The following TAFA5 variants were observed in gnomAD, a reference collection of about 807,000 sequenced individuals.
TAFA5 encodes the protein TAFA chemokine like family member 5, also known as chemokine-like protein TAFA-5.
TAFA5 carries 6 observed loss-of-function variants against 15.3 expected under a neutral mutation model. That is an observed-to-expected ratio of 0.39 (90% confidence interval 0.21 to 0.77). The LOEUF is 0.77. Ranked by LOEUF, TAFA5 falls within the 30% of genes least tolerant of loss-of-function variation. TAFA5 has a pLI of 0.41. For synonymous variants in TAFA5, 103 were observed against 80.7 expected (o/e 1.28, Z -1.48); for missense variants, 161 against 193.1 (o/e 0.83, Z 0.98).
At chr22:48,723,225 A>G (rs560071234) in intron 3 of TAFA5, among the ~76,000 whole-genome samples, 4 of 152,250 alleles carry the variant, frequency 2.6e-5, no homozygotes, top group African/African-American at 9.6e-5. Context: ...CCCCCTTCCA[A>G]ATGGCTTCTG....
At chr22:48,583,517 A>G (rs1428674748) in intron 1 of TAFA5, among the ~76,000 whole-genome samples, 1 of 150,732 alleles carries the variant, frequency 6.6e-6, no homozygotes, top group Non-Finnish European at 1.5e-5. Flanking sequence ...AACCAAACAC[A>G]AAATATACAC....
chr22:48,582,821 C>CTA (rs1924124747), intron 1 of TAFA5, among the ~76,000 whole-genome samples: 1 of 88,002 alleles, frequency 1.1e-5, no homozygotes, highest in African/African-American at 4.3e-5. Flanking sequence ...ACACCACACA[C>CTA]CACACACAAT....
chr22:48,523,533 G>A (rs1179142116), intron 1 of TAFA5, among the ~76,000 whole-genome samples: 2 of 152,196 alleles, frequency 1.3e-5, no homozygotes, highest in Non-Finnish European at 2.9e-5. Context: ...CCGGGGCCCC[G>A]GCTCTCTGCC....
chr22:48,597,984 T>C (rs1047585773), intron 1 of TAFA5, among the ~76,000 whole-genome samples: 3 of 151,902 alleles, frequency 2.0e-5, no homozygotes, highest in Admixed American at 2.0e-4. Context: ...CCTGTCAGGG[T>C]TCTTCAGAGA....
At chr22:48,617,423 C>T (rs762003854) in intron 1 of TAFA5, among the ~76,000 whole-genome samples, 1 of 152,220 alleles carries the variant, frequency 6.6e-6, no homozygotes, top group Non-Finnish European at 1.5e-5. Flanking sequence ...GCCCTCAGAG[C>T]AGCAAGAGGA....
chr22:48,498,423 G>A (rs1920937058), intron 1 of TAFA5, among the ~76,000 whole-genome samples: 1 of 152,072 alleles, frequency 6.6e-6, no homozygotes, highest in Non-Finnish European at 1.5e-5. Context: ...CTAACAGTTT[G>A]ATTAATAATA....
At chr22:48,515,742 G>A (rs546884431) in intron 1 of TAFA5, among the ~76,000 whole-genome samples, 61 of 152,290 alleles carry the variant, frequency 4.0e-4, no homozygotes, top group South Asian at 1.9e-3. Context: ...GGAGGGCACC[G>A]CCCCAGAGGA....
At chr22:48,665,611 G>A (rs775573781) in intron 2 of TAFA5, among the ~76,000 whole-genome samples, 5 of 152,008 alleles carry the variant, frequency 3.3e-5, no homozygotes, top group South Asian at 2.1e-4. Context: ...ATGGAGACCC[G>A]ACAGATCCAA....
intron 3 of TAFA5, among the ~76,000 whole-genome samples, chr22:48,713,430 C>T (rs1929313687): frequency 1.3e-5 from 2 of 152,216 alleles, no homozygotes; most frequent in Admixed American, 6.5e-5. Flanking sequence ...CCTGGTGGCC[C>T]GGCCAGCAGC....
chr22:48,622,375 C>T (rs1301213453), intron 1 of TAFA5, among the ~76,000 whole-genome samples: 1 of 152,196 alleles, frequency 6.6e-6, no homozygotes, highest in Non-Finnish European at 1.5e-5. Flanking sequence ...AAAGCATCTG[C>T]CCCAGACGCT....
rs922634811 is a variant in TAFA5 at position 48,566,676 on chromosome 22, G to C, written c.112+76972G>C. On this transcript the variant is annotated intron_variant, in intron 1 of 3. Transcript: ENST00000402357. The surrounding 1 kb of genome is among the most constrained non-coding windows in gnomAD (Gnocchi z 4.5). ...CCTTAGTTTCCTCAGCAATACGTTG[G>C]GGGGTGGGGTGGAATCTTTGCCTAA... is the stretch of plus-strand genomic sequence containing the variant. Among the ~76,000 whole-genome samples the C allele has an allele frequency of 9.9e-5, 15 of 152,190 alleles. No individual in the cohort carries two copies. The highest frequency in any genetic ancestry group is 1.9e-4 in the Non-Finnish European group (13 of 68,028).
At chr22:48,577,723 A>G (rs1483001632) in intron 1 of TAFA5, among the ~76,000 whole-genome samples, 5 of 152,178 alleles carry the variant, frequency 3.3e-5, no homozygotes, top group African/African-American at 1.2e-4. Context: ...CCTGGTGTCC[A>G]CTTCCCTCCC....
chr22:48,701,327 G>A (rs968335814), intron 2 of TAFA5, among the ~76,000 whole-genome samples: 29 of 152,310 alleles, frequency 1.9e-4, no homozygotes, highest in African/African-American at 6.0e-4. Context: ...GAGGAAGCTG[G>A]GTGGCAGCTC....
chr22:48,688,990 C>A (rs1331998698), intron 2 of TAFA5, among the ~76,000 whole-genome samples: 2 of 77,188 alleles, frequency 2.6e-5, no homozygotes, highest in African/African-American at 7.0e-5. Flanking sequence ...AGACTTGTCT[C>A]GGAAAAAAAA....
chr22:48,642,923 G>A (rs918691604), intron 1 of TAFA5, among the ~76,000 whole-genome samples: 1 of 152,176 alleles, frequency 6.6e-6, no homozygotes, highest in Non-Finnish European at 1.5e-5. Flanking sequence ...ACACACCCTG[G>A]CTCTTGGCTG....
At chr22:48,571,574 G>GTTTTTTGTT (rs1923587392) in intron 1 of TAFA5, among the ~76,000 whole-genome samples, 3 of 29,234 alleles carry the variant, frequency 1.0e-4, no homozygotes, top group Admixed American at 5.6e-4. Flanking sequence ...TGCCTGGCCT[G>GTTTTTTGTT]TTTTTTTTTT....
chr22:48,521,860 A>C (rs568228519), intron 1 of TAFA5, among the ~76,000 whole-genome samples: 6 of 152,306 alleles, frequency 3.9e-5, no homozygotes, highest in South Asian at 2.1e-4. Context: ...TGGAGTTGAC[A>C]TCGGGGCCAG....
chr22:48,695,214 C>T (rs1431753207), intron 2 of TAFA5, among the ~76,000 whole-genome samples: 1 of 151,910 alleles, frequency 6.6e-6, no homozygotes, highest in Non-Finnish European at 1.5e-5. Context: ...TTAACGTTGC[C>T]CACTCCTTTT....
rs1009443531 is a variant in TAFA5, at chr22:48,557,282, T to C, written c.112+67578T>C. Among the ~76,000 whole-genome samples, 4 of 152,082 alleles carry C rather than the reference T, an allele frequency of 2.6e-5. No homozygotes were observed. In the South Asian group the frequency reaches 8.3e-4, roughly 32 times the overall value. On this transcript the variant is annotated intron_variant, in intron 1 of 3. Coordinates refer to ENST00000402357, the MANE Select transcript of TAFA5 (RefSeq NM_001082967.3). ...TGATCCAGTATAACTGGTGTCCTTA[T>C]AGCGAGAGATGAGGACAAGGACAGG...
Sources: gnomAD v4.1 joint callset for allele counts (sites outside exome capture counted in the v4.1 genomes callset) on GRCh38, gnomAD v4.1.1 for gene constraint, Gnocchi (gnomAD v3.1) non-coding constraint, MANE v1.5 for transcripts, NCBI Gene and HGNC (gene_info 2026-07-23, HGNC 2026-07-21) for gene names.